SV2C: variants seen among roughly 807,000 people sequenced by gnomAD.
SV2C encodes synaptic vesicle glycoprotein 2C.
In SV2C, 49 loss-of-function variants were observed where a neutral mutation model predicts 79.7. The observed-to-expected ratio is 0.61, with a 90% confidence interval of 0.49 to 0.78. SV2C has a LOEUF of 0.78. SV2C is among the 30% of genes least tolerant of loss of function. The pLI is 0.00. For missense variants in SV2C, 833 were observed against 912.9 expected (o/e 0.91, Z 1.13); for synonymous variants, 334 against 333.2 (o/e 1.00, Z -0.03).
At chr5:76,117,426 A>G (rs950669150) in intron 1 of SV2C, among the ~76,000 whole-genome samples, 3 of 152,186 alleles carry the variant, frequency 2.0e-5, no homozygotes, top group African/African-American at 7.2e-5. Flanking sequence ...TTATAAACTT[A>G]GCAAAATCCT....
chr5:76,283,551 A>G (rs1477082103), intron 4 of SV2C, among the ~76,000 whole-genome samples: 2 of 152,216 alleles, frequency 1.3e-5, no homozygotes, highest in African/African-American at 4.8e-5. Context: ...TCAAATGTGA[A>G]GTCAACAAGT....
intron 4 of SV2C, among the ~76,000 whole-genome samples, chr5:76,283,431 C>T (rs1747256521): frequency 6.6e-6 from 1 of 152,222 alleles, no homozygotes; most frequent in Non-Finnish European, 1.5e-5. Flanking sequence ...AAATTTAAAA[C>T]ATTGCATTTG....
At chr5:75,917,409 G>C in the SV2C span, among the ~76,000 whole-genome samples, 1 of 152,126 alleles carries the variant, frequency 6.6e-6, no homozygotes, top group African/African-American at 2.4e-5. Context: ...ACTGTGCTAA[G>C]GAAGAAAAAG....
At chr5:76,020,700 C>T in the SV2C span, among the ~76,000 whole-genome samples, 3 of 152,154 alleles carry the variant, frequency 2.0e-5, no homozygotes, top group African/African-American at 7.2e-5. Context: ...GGCTGTGTTT[C>T]TCAGCCTGCC....
intron 4 of SV2C, among the ~76,000 whole-genome samples, chr5:76,238,631 A>G (rs1745691552): frequency 6.6e-6 from 1 of 152,240 alleles, no homozygotes; most frequent in Admixed American, 6.5e-5. Flanking sequence ...AGGGTGTGTC[A>G]CAGTCAGGCG....
chr5:75,942,857 T>C, the SV2C span, among the ~76,000 whole-genome samples: 1 of 152,146 alleles, frequency 6.6e-6, no homozygotes, highest in South Asian at 2.1e-4. Context: ...GACACTGTGT[T>C]AATCGAATTA....
intron 4 of SV2C, among the ~76,000 whole-genome samples, chr5:76,225,227 A>G (rs903920566): frequency 2.0e-5 from 3 of 152,350 alleles, no homozygotes; most frequent in Admixed American, 2.0e-4. Flanking sequence ...ATCCTTCTCA[A>G]TGATGGAAGG....
chr5:75,856,974 T>G, the SV2C span, among the ~76,000 whole-genome samples: 6 of 148,080 alleles, frequency 4.1e-5, no homozygotes, highest in Admixed American at 1.3e-4. Flanking sequence ...TTTTTTTTTT[T>G]GGGACGGAGT....
chr5:75,896,803 T>C, the SV2C span, among the ~76,000 whole-genome samples: 1 of 149,412 alleles, frequency 6.7e-6, no homozygotes, highest in Middle Eastern at 3.4e-3. Context: ...TTGATTTGCA[T>C]TTCTCTGACG....
chr5:76,160,880 G>T (rs1401342029), intron 2 of SV2C, among the ~76,000 whole-genome samples: 1 of 152,132 alleles, frequency 6.6e-6, no homozygotes, highest in African/African-American at 2.4e-5. Context: ...CAGATAATAA[G>T]AAGTGTTGGC....
chr5:76,091,978 C>T (rs984749410), intron 1 of SV2C, among the ~76,000 whole-genome samples: 1 of 152,020 alleles, frequency 6.6e-6, no homozygotes, highest in African/African-American at 2.4e-5. Flanking sequence ...TACTACACAG[C>T]CACTGAAATG....
At chr5:76,002,606 T>G in the SV2C span, among the ~76,000 whole-genome samples, 1,865 of 152,288 alleles carry the variant, frequency 0.012, 41 homozygotes, top group African/African-American at 0.042. Flanking sequence ...ATATACATTT[T>G]AAAAATCACT....
At chr5:76,129,179 C>A (rs972779841) in intron 1 of SV2C, among the ~76,000 whole-genome samples, 5 of 152,176 alleles carry the variant, frequency 3.3e-5, no homozygotes, top group Non-Finnish European at 5.9e-5. Context: ...TTCAGAGAGA[C>A]CCCTGTACCC....
intron 4 of SV2C, among the ~76,000 whole-genome samples, chr5:76,219,470 A>C (rs564791827): frequency 6.6e-6 from 1 of 152,326 alleles, no homozygotes; most frequent in Non-Finnish European, 1.5e-5. Flanking sequence ...AAAAATTATC[A>C]TGTGTTTAAG....
In SV2C at chr5:76,327,040, T is replaced by C. The variant is rs1031350085; in HGVS notation, c.*1493T>C. On this transcript the variant is annotated 3_prime_UTR_variant, in exon 13 of 13. Transcript: ENST00000502798. The stretch of plus-strand genomic sequence containing the variant: ...TATTCTTGTTACTTATTATAGGCAT[T>C]TTCAGGCAAGCCATAGCTTGGGGCC... 1 of 152,174 alleles carries C rather than the reference T, an allele frequency of 6.6e-6. No homozygotes were observed. The highest frequency in any genetic ancestry group is 2.4e-5 in the African/African-American group (1 of 41,436). The allele number at this position is 152,174 out of a possible 1,614,324, so 9.4% of individuals were successfully genotyped here. A position where few individuals can be genotyped will look rare whatever the true frequency, so the allele number is the denominator to read the frequency against.
At chr5:75,974,460 T>A in the SV2C span, among the ~76,000 whole-genome samples, 1 of 152,152 alleles carries the variant, frequency 6.6e-6, no homozygotes, top group Non-Finnish European at 1.5e-5. Flanking sequence ...GATACCATTA[T>A]CTCAGGTTGT....
At chr5:75,865,985 GC>G in the SV2C span, among the ~76,000 whole-genome samples, 1 of 152,116 alleles carries the variant, frequency 6.6e-6, no homozygotes, top group African/African-American at 2.4e-5. Context: ...TGTAACTCCT[GC>G]CATTGGGAGG....
intron 4 of SV2C, among the ~76,000 whole-genome samples, chr5:76,226,424 C>T (rs942141978): frequency 3.3e-5 from 5 of 152,098 alleles, no homozygotes; most frequent in African/African-American, 4.8e-5. Context: ...GATATTAAAG[C>T]CCAGTTTGGC....
At chr5:76,000,406 G>C in the SV2C span, among the ~76,000 whole-genome samples, 1 of 152,050 alleles carries the variant, frequency 6.6e-6, no homozygotes, top group South Asian at 2.1e-4. Context: ...TCCAAGTGTG[G>C]CCTGGACTCA....
Sources: gnomAD v4.1 joint callset for allele counts (sites outside exome capture counted in the v4.1 genomes callset) on GRCh38, gnomAD v4.1.1 for gene constraint, MANE v1.5 for transcripts, NCBI Gene and HGNC (gene_info 2026-07-23, HGNC 2026-07-21) for gene names.